Variants in SRPRB observed in about 807,000 individuals in gnomAD.
The protein encoded by SRPRB is SRP receptor subunit beta, also known as signal recognition particle receptor subunit beta.
SRPRB carries 20 observed loss-of-function variants against 31.9 expected under a neutral mutation model. The ratio of observed to expected loss-of-function variants is 0.63; its 90% CI spans 0.44 to 0.91. The LOEUF (loss-of-function observed/expected upper bound fraction) is 0.91. Among genes scored for constraint, SRPRB ranks in the 40% least tolerant of loss-of-function variants. The pLI, the probability that SRPRB is intolerant of heterozygous loss-of-function variation, is 0.00. For missense variants in SRPRB, 321 were observed against 324.9 expected (o/e 0.99, Z 0.09); for synonymous variants, 146 against 132.8 (o/e 1.10, Z -0.68).
rs1307739168 is a variant in SRPRB at position 133,819,918 on chromosome 3, A to T, written c.*152A>T. The T allele has an allele frequency of 2.8e-5, 15 of 542,832 alleles. No homozygotes were observed. Among genetic ancestry groups the T allele is most frequent in the African/African-American group, 1.6e-4 (8 of 48,944 alleles). The allele number at this position is 542,832 out of a possible 1,614,324, so 33.6% of individuals were successfully genotyped here. On this transcript the variant is annotated 3_prime_UTR_variant, in exon 7 of 7. Coordinates refer to ENST00000678299, the MANE Select transcript of SRPRB (RefSeq NM_001379313.1). ...AAAGTACTGTTGAAACCAGCTTGGA[A>T]TTTTTTTTTTTTTTTTTTTTAAGTT...
chr3:133,791,259 A>C (rs1266848043), intron 1 of SRPRB: 1 of 152,174 alleles, frequency 6.6e-6, no homozygotes, highest in Non-Finnish European at 1.5e-5. Flanking sequence ...AAGTGTGTTG[A>C]GTATATTTTC....
At chr3:133,801,772 T>C (rs904910498), upstream of SRPRB, among the ~76,000 whole-genome samples, 1 of 152,190 alleles carries the variant, frequency 6.6e-6, no homozygotes, top group African/African-American at 2.4e-5. Flanking sequence ...GTTAGGACCA[T>C]AAGAAATAAG....
chr3:133,791,512 T>C (rs1002316761), intron 1 of SRPRB: 1 of 152,206 alleles, frequency 6.6e-6, no homozygotes, highest in Non-Finnish European at 1.5e-5. Flanking sequence ...ATAGTAAAAG[T>C]CACTGTTTAT....
chr3:133,790,495 C>A (rs1446670238), intron 1 of SRPRB: 1 of 151,950 alleles, frequency 6.6e-6, no homozygotes, highest in Non-Finnish European at 1.5e-5. Context: ...AGTAAGGAAC[C>A]AGTAAGTAGA....
intron 1 of SRPRB, chr3:133,794,003 G>C (rs1282352188): frequency 6.6e-6 from 1 of 152,118 alleles, no homozygotes; most frequent in Non-Finnish European, 1.5e-5. Context: ...TACTGAAACT[G>C]TTTAGATATA....
intron 1 of SRPRB, chr3:133,791,386 T>C (rs1196113665): frequency 1.3e-5 from 2 of 152,132 alleles, no homozygotes; most frequent in Non-Finnish European, 1.5e-5. Context: ...TCAAGCAGGG[T>C]TCCTAGGGCT....
intron 4 of SRPRB, among the ~76,000 whole-genome samples, chr3:133,812,009 A>C (rs746553563): frequency 6.6e-6 from 1 of 152,212 alleles, no homozygotes; most frequent in Non-Finnish European, 1.5e-5. Context: ...CTTATGCTGC[A>C]GTTTCAGATG....
At chr3:133,807,873 T>C (rs1284099553) in intron 3 of SRPRB, 50 bp downstream of exon 3, 1 of 1,433,038 alleles carries the variant, frequency 7.0e-7, no homozygotes, top group Non-Finnish European at 9.7e-7. Flanking sequence ...TTTACTGTGG[T>C]GTGTCAGTTA....
chr3:133,816,088 A>G (rs1035774620), intron 5 of SRPRB, among the ~76,000 whole-genome samples: 2 of 152,246 alleles, frequency 1.3e-5, no homozygotes, highest in African/African-American at 2.4e-5. Context: ...AGTTTACTGT[A>G]CAGCACATTT....
At chr3:133,809,881 A>G (rs1935226949) in intron 3 of SRPRB, among the ~76,000 whole-genome samples, 1 of 152,074 alleles carries the variant, frequency 6.6e-6, no homozygotes, top group African/African-American at 2.4e-5. Flanking sequence ...CTTTTTTATT[A>G]TGGTTACTGG....
rs75496501 is a variant in SRPRB at position 133,819,918 on chromosome 3, ATTTTTTTT to A, written c.*165_*172del. On this transcript the variant is annotated 3_prime_UTR_variant, in exon 7 of 7. Coordinates refer to ENST00000678299, the MANE Select transcript of SRPRB (RefSeq NM_001379313.1). Reference sequence around the variant, plus strand: ...AAAGTACTGTTGAAACCAGCTTGGAATTTTTTTTTTTTTTTTTTTTAAGTTCAGTTCTC... The same window carrying A: ...AAAGTACTGTTGAAACCAGCTTGGAATTTTTTTTTTTTAAGTTCAGTTCTC... 1 of 511,494 alleles carries A rather than the reference ATTTTTTTT, an allele frequency of 2.0e-6. No homozygotes were observed. Among genetic ancestry groups the A allele is most frequent in the East Asian group, 3.4e-5 (1 of 29,372 alleles). The allele number at this position is 511,494 out of a possible 1,614,324, so 31.7% of individuals were successfully genotyped here. A position where few individuals can be genotyped will look rare whatever the true frequency, so the allele number is the denominator to read the frequency against.
At chr3:133,828,007 T>C (rs1236953187), downstream of SRPRB, 1 of 702,286 alleles carries the variant, frequency 1.4e-6, no homozygotes, top group Non-Finnish European at 2.6e-6. Context: ...GATGGCCTCT[T>C]GCTCTGCCAG....
downstream of SRPRB, chr3:133,828,116 G>A: frequency 1.6e-6 from 1 of 635,176 alleles, no homozygotes; most frequent in Non-Finnish European, 2.9e-6. Context: ...TTCCTCTGGG[G>A]GCTGCTGCCG....
intron 2 of SRPRB, among the ~76,000 whole-genome samples, chr3:133,807,088 C>T (rs1224661886): frequency 6.6e-6 from 1 of 152,112 alleles, no homozygotes; most frequent in African/African-American, 2.4e-5. Context: ...CCTTCTTTGA[C>T]ATAGTGGGCT....
rs1452614594 is a variant in SRPRB at position 133,821,355 on chromosome 3, C to CT, written c.*1591dup. The stretch of plus-strand genomic sequence containing the variant: ...TGGTGTTCTGAGTGTCTTTTGGACT[C>CT]TTATTTCTTGCCCTTTTCCTTATTA... On this transcript the variant is annotated 3_prime_UTR_variant, in exon 7 of 7. Transcript: ENST00000678299. The CT allele has an allele frequency of 6.6e-6, 1 of 152,176 alleles. No homozygotes were observed. Among genetic ancestry groups the CT allele is most frequent in the Non-Finnish European group, 1.5e-5 (1 of 68,040 alleles). The allele number at this position is 152,176 out of a possible 1,614,324, so 9.4% of individuals were successfully genotyped here. A position where few individuals can be genotyped will look rare whatever the true frequency, so the allele number is the denominator to read the frequency against.
intron 1 of SRPRB, chr3:133,793,816 G>A (rs749870142): frequency 6.6e-6 from 1 of 152,084 alleles, no homozygotes; most frequent in African/African-American, 2.4e-5. Flanking sequence ...ACCCTAAAAA[G>A]CACTCTTGAA....
intron 2 of SRPRB, 149 bp downstream of exon 2, chr3:133,806,852 A>T (rs771791484): frequency 8.4e-6 from 5 of 597,374 alleles, no homozygotes; most frequent in Non-Finnish European, 1.5e-5. Context: ...GAACAAAAAG[A>T]CTCGTAGAAA....
chr3:133,827,860 GT>G (rs1559897056), downstream of SRPRB: 1 of 642,174 alleles, frequency 1.6e-6, no homozygotes, highest in Non-Finnish European at 2.9e-6. Flanking sequence ...CACACACTGA[GT>G]TTCTTAGACT....
chr3:133,827,930 A>G (rs1319847747), downstream of SRPRB: 1 of 702,854 alleles, frequency 1.4e-6, no homozygotes, highest in Admixed American at 2.0e-5. Flanking sequence ...TCAGAAGTAC[A>G]CATGGCACCC....
Sources: allele counts gnomAD v4.1 joint callset (sites outside exome capture counted in the v4.1 genomes callset), GRCh38; gene constraint gnomAD v4.1.1; transcripts MANE v1.5; gene names NCBI Gene and HGNC (gene_info 2026-07-23, HGNC 2026-07-21).